The following ATP2C1 variants were observed in gnomAD, a reference collection of about 807,000 sequenced individuals.
ATP2C1 encodes ATPase secretory pathway Ca2+ transporting 1, also known as calcium-transporting ATPase type 2C member 1.
A neutral mutation model predicts 120.5 loss-of-function variants in ATP2C1; 31 were observed. The observed-to-expected ratio is 0.26, with a 90% CI of 0.19 to 0.35. ATP2C1 has a LOEUF of 0.35. Among genes scored for constraint, ATP2C1 ranks in the 10% least tolerant of loss-of-function variants. The pLI, the probability that ATP2C1 is intolerant of heterozygous loss-of-function variation, is 1.00. For missense variants in ATP2C1, 731 were observed against 1,107.5 expected, an observed-to-expected ratio of 0.66 and a Z score of 4.83; for synonymous variants, 351 against 358.7, an observed-to-expected ratio of 0.98 and a Z score of 0.24.
At position 130,921,087 on chromosome 3, in the gene ATP2C1, T is replaced by G. The variant is rs537576426; in HGVS notation, c.7-9329T>G. On this transcript the variant is annotated intron_variant, in intron 2 of 27. Coordinates refer to ENST00000510168, the MANE Select transcript of ATP2C1 (RefSeq NM_001378687.1). ...TCTTGCGAGTTTTCTTTCTTTTTTTTTTTTTTTTTTTTGAGACGGAGTCTC... is the reference window on the plus strand; with the variant it reads ...TCTTGCGAGTTTTCTTTCTTTTTTTGTTTTTTTTTTTTGAGACGGAGTCTC... Among the ~76,000 whole-genome samples, 1,117 of 148,996 alleles carry G rather than the reference T, an allele frequency of 7.5e-3. 7 individuals are homozygous for G. Among genetic ancestry groups the G allele is most frequent in the Non-Finnish European group, 0.012 (830 of 66,780 alleles).
intron 26 of ATP2C1, chr3:131,014,082 T>A (rs2063456373): frequency 6.3e-7 from 1 of 1,597,996 alleles, no homozygotes; most frequent in African/African-American, 1.4e-5. Context: ...GGCCTCACTA[T>A]GTTCCTCTAA....
At chr3:130,948,315 A>G (rs1288005126) in intron 8 of ATP2C1, among the ~76,000 whole-genome samples, 4 of 151,974 alleles carry the variant, frequency 2.6e-5, no homozygotes, top group East Asian at 1.9e-4. Flanking sequence ...TTAAAAGATA[A>G]TGTTGCCAGA....
chr3:130,892,744 A>G (rs2069228669), upstream of ATP2C1, among the ~76,000 whole-genome samples: 1 of 152,108 alleles, frequency 6.6e-6, no homozygotes, highest in Admixed American at 6.5e-5. Flanking sequence ...AGTGATTTTT[A>G]TGGGTTCATC....
Position 131,001,352 on chromosome 3 carries a change from G to T in ATP2C1, c.*2G>T. 1 of 1,612,558 alleles carries T rather than the reference G, an allele frequency of 6.2e-7. No homozygotes were observed. Among genetic ancestry groups the T allele is most frequent in the Non-Finnish European group, 8.5e-7 (1 of 1,179,160 alleles). On this transcript the variant is annotated 3_prime_UTR_variant, in exon 28 of 28. Transcript: ENST00000510168. ...TCATCATCTTTTCTTGAAGTATGAT[G>T]CATATTGCATTATTTTATTTGCAAA...
chr3:130,963,941 A>G (rs2060939572), intron 12 of ATP2C1, 30 bp from the exon 13 acceptor site: 2 of 1,611,750 alleles, frequency 1.2e-6, no homozygotes, highest in Non-Finnish European at 1.7e-6. Flanking sequence ...TTTAACCTAC[A>G]TTTTAATACT....
downstream of ATP2C1, among the ~76,000 whole-genome samples, chr3:131,007,269 G>T (rs551233285): frequency 1.3e-5 from 2 of 152,316 alleles, no homozygotes; most frequent in Admixed American, 1.3e-4. Context: ...GCTGCTCCAG[G>T]TAGATGGTGT....
chr3:130,961,485 T>G (rs972516683), intron 12 of ATP2C1, among the ~76,000 whole-genome samples: 1 of 152,016 alleles, frequency 6.6e-6, no homozygotes, highest in Non-Finnish European at 1.5e-5. Context: ...TTACAATTTC[T>G]TCACCCTAGG....
rs779307388 is a variant in ATP2C1, at chr3:130,999,671, G to A, written c.2629+12G>A. ...CCTAAGCATACTGGGTAAAGAAAAC[G>A]TTATCTTTATCATTTATGTATTTTA... On this transcript the variant is annotated intron_variant, in intron 27 of 27. Coordinates refer to ENST00000510168, the MANE Select transcript of ATP2C1 (RefSeq NM_001378687.1). The A allele has an allele frequency of 1.1e-5, 17 of 1,604,868 alleles. No individual in the cohort carries two copies. Among genetic ancestry groups the A allele is most frequent in the Admixed American group, 5.0e-5 (3 of 59,922 alleles).
chr3:130,940,526 A>G (rs1019187924), intron 6 of ATP2C1, 104 bp from the exon 7 acceptor site: 1 of 791,016 alleles, frequency 1.3e-6, no homozygotes. Context: ...AAAGGAAAAG[A>G]TGAGAATTGG....
intron 11 of ATP2C1, among the ~76,000 whole-genome samples, chr3:130,958,292 A>T (rs193191990): frequency 5.3e-5 from 8 of 152,092 alleles, no homozygotes; most frequent in African/African-American, 1.7e-4. Context: ...TCTCTGTTGG[A>T]AATACTTTAC....
rs774550550 is a variant in ATP2C1 at position 130,894,816 on chromosome 3, G to A, written c.6+41G>A. The stretch of plus-strand genomic sequence containing the variant: ...CGACCGGTTGCAACGCGGAGTTGAG[G>A]GTGTGGTGGTTTGCTTTTAAGTTGT... On this transcript the variant is annotated intron_variant, in intron 2 of 27. Coordinates refer to ENST00000510168, the MANE Select transcript of ATP2C1 (RefSeq NM_001378687.1). The surrounding 1 kb of genome is among the most constrained non-coding windows in gnomAD (Gnocchi z 4.5). 1 of 1,578,304 alleles carries A rather than the reference G, an allele frequency of 6.3e-7. No homozygotes were observed. Among genetic ancestry groups the A allele is most frequent in the African/African-American group, 1.3e-5 (1 of 74,232 alleles).
intron 2 of ATP2C1, among the ~76,000 whole-genome samples, chr3:130,916,093 C>T (rs575123498): frequency 6.6e-6 from 1 of 152,048 alleles, no homozygotes; most frequent in African/African-American, 2.4e-5. Context: ...TAGAGATCCT[C>T]ATGGAGTATG....
At chr3:130,906,944 C>A (rs2760250) in intron 2 of ATP2C1, among the ~76,000 whole-genome samples, 30,763 of 151,942 alleles carry the variant, frequency 0.2, 3,407 homozygotes, top group African/African-American at 0.27. Context: ...GTTAGTTTTG[C>A]AACTAGGAAG....
At chr3:130,901,253 C>T (rs1269100802) in intron 2 of ATP2C1, among the ~76,000 whole-genome samples, 1 of 152,054 alleles carries the variant, frequency 6.6e-6, no homozygotes, top group African/African-American at 2.4e-5. Flanking sequence ...TCCAGCATCC[C>T]TCCCCACCCC....
intron 26 of ATP2C1, among the ~76,000 whole-genome samples, chr3:131,015,563 C>G (rs1213588481): frequency 6.6e-6 from 1 of 152,168 alleles, no homozygotes; most frequent in African/African-American, 2.4e-5. Flanking sequence ...AGCAAACATC[C>G]TAGGTTAAGT....
chr3:131,004,429 T>G (rs183122948), downstream of ATP2C1, among the ~76,000 whole-genome samples: 2 of 152,324 alleles, frequency 1.3e-5, no homozygotes, highest in Non-Finnish European at 2.9e-5. Context: ...TTGTCAAGAG[T>G]TGGTTATTGT....
chr3:130,959,182 T>G lies in ATP2C1; in HGVS notation c.833-93T>G, dbSNP rs1576885872. Reference sequence around the variant, plus strand: ...GTGATCTGATATGCTTTCCCTTTTTTGTCAAGGGACGTTTTAGATTCCTTC... The same window carrying G: ...GTGATCTGATATGCTTTCCCTTTTTGGTCAAGGGACGTTTTAGATTCCTTC... On this transcript the variant is annotated intron_variant, in intron 11 of 27. Coordinates refer to ENST00000510168, the MANE Select transcript of ATP2C1 (RefSeq NM_001378687.1). 34 of 900,362 alleles carry G rather than the reference T, an allele frequency of 3.8e-5. No homozygotes were observed. In the East Asian group the frequency reaches 8.9e-4, roughly 24 times the overall value. 55.8% of individuals were successfully genotyped at this position (900,362 alleles called of 1,614,324 possible).
chr3:130,972,628 C>T (rs1708293), intron 17 of ATP2C1, among the ~76,000 whole-genome samples: 2 of 117,310 alleles, frequency 1.7e-5, no homozygotes, highest in Non-Finnish European at 3.4e-5. Context: ...CCCCCTCCCC[C>T]CACCCCACAA....
intron 23 of ATP2C1, 110 bp from the exon 24 acceptor site, chr3:130,996,570 C>T (rs1044122108): frequency 3.8e-6 from 3 of 798,458 alleles, no homozygotes; most frequent in Non-Finnish European, 4.4e-6. Flanking sequence ...TTGAAACAGT[C>T]TTCCTTTAAA....
Sources: gnomAD v4.1 joint callset for allele counts (sites outside exome capture counted in the v4.1 genomes callset) on GRCh38, gnomAD v4.1.1 for gene constraint, Gnocchi (gnomAD v3.1) non-coding constraint, MANE v1.5 for transcripts, NCBI Gene and HGNC (gene_info 2026-07-23, HGNC 2026-07-21) for gene names.